Variants in SEPTIN7 observed in about 807,000 individuals in gnomAD.
The protein encoded by SEPTIN7 is septin-7.
Under a neutral mutation model 63.3 loss-of-function variants are expected in SEPTIN7, and 10 were observed. That is an observed-to-expected ratio of 0.16 (90% confidence interval 0.10 to 0.27). SEPTIN7 has a LOEUF of 0.27. Among genes scored for constraint, SEPTIN7 ranks in the 10% least tolerant of loss-of-function variants. The probability of loss-of-function intolerance (pLI) is 1.00; values close to 1 mark genes in which losing one functional copy is unlikely to be tolerated. For missense variants in SEPTIN7, 310 were observed against 521.0 expected, an observed-to-expected ratio of 0.59 and a Z score of 3.94; for synonymous variants, 131 against 165.3, an observed-to-expected ratio of 0.79 and a Z score of 1.59.
chr7:35,842,703 G>A (rs1040499551), intron 3 of SEPTIN7, among the ~76,000 whole-genome samples: 1 of 152,130 alleles, frequency 6.6e-6, no homozygotes, highest in Non-Finnish European at 1.5e-5. Flanking sequence ...TGATTACTGT[G>A]CTGAAAATAA....
At chr7:35,840,637 A>AT (rs962348577) in intron 3 of SEPTIN7, among the ~76,000 whole-genome samples, 209 of 150,390 alleles carry the variant, frequency 1.4e-3, no homozygotes, top group African/African-American at 4.5e-3. Context: ...AAAAAAGGAA[A>AT]TTTTTTTTTT....
chr7:35,861,119 C>T (rs1049955888), intron 3 of SEPTIN7, among the ~76,000 whole-genome samples: 17 of 151,868 alleles, frequency 1.1e-4, no homozygotes, highest in African/African-American at 4.1e-4. Context: ...GTGAAATTTT[C>T]AATTATTGTA....
chr7:35,885,732 C>T lies in SEPTIN7; in HGVS notation c.821-96C>T, dbSNP rs191004391. On this transcript the variant is annotated intron_variant, in intron 9 of 13. Coordinates refer to ENST00000350320, the MANE Select transcript of SEPTIN7 (RefSeq NM_001788.6). ...AAAATTGATCTGTTTTGCATTTCCT[C>T]TTCTTGTTTTTACACCCCAAGTTCC... The T allele has an allele frequency of 6.6e-6, 6 of 912,236 alleles. No homozygotes were observed. In the East Asian group the frequency reaches 1.6e-4, roughly 24 times the overall value. The allele number at this position is 912,236 out of a possible 1,614,324, so 56.5% of individuals were successfully genotyped here.
downstream of SEPTIN7, among the ~76,000 whole-genome samples, chr7:35,909,948 C>T (rs7796842): frequency 0.013 from 1,987 of 152,294 alleles, 49 homozygotes; most frequent in African/African-American, 0.046. Context: ...AAGATGTTGG[C>T]TGAGGCTACA....
chr7:35,858,681 C>CT (rs376678701), intron 3 of SEPTIN7, among the ~76,000 whole-genome samples: 7,120 of 127,256 alleles, frequency 0.056, 254 homozygotes, highest in South Asian at 0.19. Flanking sequence ...TTTTCTTTTT[C>CT]TTTTTTTTTT....
intron 1 of SEPTIN7, among the ~76,000 whole-genome samples, chr7:35,819,549 G>A (rs1289758995): frequency 2.0e-5 from 3 of 152,052 alleles, no homozygotes; most frequent in Non-Finnish European, 4.4e-5. Flanking sequence ...TTGAAGGTCA[G>A]GTATTACTGT....
chr7:35,843,058 G>C (rs1234630238), intron 3 of SEPTIN7, among the ~76,000 whole-genome samples: 1 of 152,076 alleles, frequency 6.6e-6, no homozygotes, highest in Non-Finnish European at 1.5e-5. Context: ...TCCTCTGATG[G>C]TGAAAATACC....
intron 3 of SEPTIN7, among the ~76,000 whole-genome samples, chr7:35,846,535 C>G (rs1169103242): frequency 6.6e-6 from 1 of 152,114 alleles, no homozygotes; most frequent in Non-Finnish European, 1.5e-5. Flanking sequence ...TTCTTTAGCA[C>G]GAGGGAAGCA....
Position 35,873,898 on chromosome 7 carries a change from A to G in SEPTIN7, c.512+123A>G, listed in dbSNP as rs1279874791. Reference sequence around the variant, plus strand: ...ACAACTATAGCCATTATGAAGTACTAAATTTCATGTAGAAATGTCTTAGTT... The same window carrying G: ...ACAACTATAGCCATTATGAAGTACTGAATTTCATGTAGAAATGTCTTAGTT... On this transcript the variant is annotated intron_variant, in intron 6 of 13. Coordinates refer to ENST00000350320, the MANE Select transcript of SEPTIN7 (RefSeq NM_001788.6). 2.1e-5 allele frequency: 18 copies of G among 873,562 alleles called. No individual in the cohort carries two copies. In the South Asian group the frequency reaches 3.3e-4, roughly 16 times the overall value. 54.1% of individuals were successfully genotyped at this position (873,562 alleles called of 1,614,324 possible).
chr7:35,877,378 A>G (rs1221362422), intron 6 of SEPTIN7, among the ~76,000 whole-genome samples: 2 of 152,176 alleles, frequency 1.3e-5, no homozygotes, highest in Non-Finnish European at 1.5e-5. Context: ...ACAGTAAAGT[A>G]TATACAGTAA....
chr7:35,873,583 G>A, intron 5 of SEPTIN7, 58 bp from the exon 6 acceptor site: 1 of 1,530,880 alleles, frequency 6.5e-7, no homozygotes, highest in South Asian at 1.2e-5. Context: ...TCCTTTAACA[G>A]TCATCAGTTA....
chr7:35,881,481 G>C (rs1446796429), intron 7 of SEPTIN7, among the ~76,000 whole-genome samples: 1 of 149,296 alleles, frequency 6.7e-6, no homozygotes, highest in Non-Finnish European at 1.5e-5. Context: ...TCATGTATTT[G>C]TCAATTCCTT....
At chr7:35,862,719 G>T (rs547860962) in intron 3 of SEPTIN7, among the ~76,000 whole-genome samples, 1 of 152,084 alleles carries the variant, frequency 6.6e-6, no homozygotes, top group African/African-American at 2.4e-5. Flanking sequence ...GGCTAAGCAT[G>T]CCTATTATTC....
intron 3 of SEPTIN7, among the ~76,000 whole-genome samples, chr7:35,834,057 G>A (rs1583529399): frequency 1.3e-5 from 2 of 152,078 alleles, no homozygotes; most frequent in Non-Finnish European, 2.9e-5. Flanking sequence ...TGCTGCTGTG[G>A]AGTAGAGATG....
At chr7:35,821,874 G>A (rs2115799250) in intron 1 of SEPTIN7, among the ~76,000 whole-genome samples, 1 of 152,294 alleles carries the variant, frequency 6.6e-6, no homozygotes, top group East Asian at 1.9e-4. Flanking sequence ...CACCTCCGGG[G>A]TTCAGATGAT....
At chr7:35,860,400 A>G (rs1192278578) in intron 3 of SEPTIN7, among the ~76,000 whole-genome samples, 1 of 152,176 alleles carries the variant, frequency 6.6e-6, no homozygotes, top group Non-Finnish European at 1.5e-5. Flanking sequence ...TTATAATAAT[A>G]CTGGTTTTTA....
chr7:35,869,252 A>T (rs1435374609), intron 4 of SEPTIN7, among the ~76,000 whole-genome samples: 2 of 152,182 alleles, frequency 1.3e-5, no homozygotes, highest in South Asian at 2.1e-4. Context: ...GAGTTTTGGG[A>T]TCAACTTTCT....
Position 35,832,818 on chromosome 7 carries a change from C to T in SEPTIN7, c.87C>T (p.Gly29=). Residue 29 remains glycine, a synonymous_variant, in exon 3 of 14, where the codon GGC becomes GGT. Transcript: ENST00000350320. ...TMVAQQKNLE[G]YVGFANLPNQ... is the part of the protein sequence containing the mutation. ...GTCAGCAACAGAAGAACCTTGAAGG[C>T]TATGTGGGATTTGCCAATCTCCCAA... 4 of 1,609,450 alleles carry T rather than the reference C, an allele frequency of 2.5e-6. No homozygotes were observed. The highest frequency in any genetic ancestry group is 1.1e-5 in the South Asian group (1 of 90,960).
chr7:35,913,504 CTTCA>C, the SEPTIN7 span, among the ~76,000 whole-genome samples: 3 of 142,944 alleles, frequency 2.1e-5, no homozygotes, highest in East Asian at 2.0e-4. Flanking sequence ...CCTTCCTTCC[CTTCA>C]TTCCTTCCTT....
Sources: allele counts gnomAD v4.1 joint callset (sites outside exome capture counted in the v4.1 genomes callset), GRCh38; gene constraint gnomAD v4.1.1; transcripts MANE v1.5; gene names NCBI Gene and HGNC (gene_info 2026-07-23, HGNC 2026-07-21).